The following PLXNA4 variants were observed in gnomAD, a reference collection of about 807,000 sequenced individuals.
PLXNA4 encodes the protein plexin-A4.
PLXNA4 carries 44 observed loss-of-function variants against 191.8 expected under a neutral mutation model. The ratio of observed to expected loss-of-function variants is 0.23; its 90% CI spans 0.18 to 0.29. The LOEUF is 0.29. PLXNA4 is among the 10% of genes least tolerant of loss of function. The pLI, the probability that PLXNA4 is intolerant of heterozygous loss-of-function variation, is 1.00. For synonymous variants in PLXNA4, 1,082 were observed against 1,009.5 expected, an observed-to-expected ratio of 1.07 and a Z score of -1.36; for missense variants, 1,800 against 2,488.8, an observed-to-expected ratio of 0.72 and a Z score of 5.89.
chr7:132,182,757 A>G (rs1344529859), intron 16 of PLXNA4, among the ~76,000 whole-genome samples: 1 of 152,134 alleles, frequency 6.6e-6, no homozygotes, highest in Middle Eastern at 3.2e-3. Context: ...GCAAGTGCGA[A>G]ATGCTTTTGG....
At position 132,164,216 on chromosome 7, in the gene PLXNA4, C is replaced by A. The variant is rs766542462; in HGVS notation, c.4426G>T (p.Ala1476Ser). 6.2e-7 allele frequency: 1 copy of A among 1,614,222 alleles called. No homozygotes were observed. Reference sequence around the variant, plus strand: ...GAGTAGCGGGCCTCGCCCGTGATGGCGTCAATGGGGCCCTTCTCCATCTGC... The same window carrying A: ...GAGTAGCGGGCCTCGCCCGTGATGGAGTCAATGGGGCCCTTCTCCATCTGC... ...KQQMEKGPID[A>S]ITGEARYSLS... The change falls in exon 24 of 32, where the codon GCC becomes TCC. Residue 1476 changes from alanine (A) to serine (S), a missense_variant. Ala to Ser is a moderately conservative substitution (Grantham distance 99). This residue lies in a region of PLXNA4 where 214 missense variants were observed against 298.2 expected (regional missense o/e 0.72). Transcript: ENST00000321063.
At chr7:132,501,873 A>G (rs1485474995) in intron 2 of PLXNA4, among the ~76,000 whole-genome samples, 2 of 152,238 alleles carry the variant, frequency 1.3e-5, no homozygotes, top group African/African-American at 4.8e-5. Flanking sequence ...TTATTGGGAC[A>G]TGAGTGTGGC....
At chr7:132,189,014 G>GGAGAGGAAAGGAAA (rs1562909024) in intron 14 of PLXNA4, among the ~76,000 whole-genome samples, 8 of 83,034 alleles carry the variant, frequency 9.6e-5, no homozygotes, top group South Asian at 5.1e-4. Flanking sequence ...GAGAGAGAGA[G>GGAGAGGAAAGGAAA]AGAGAGAGAG....
At chr7:132,473,580 TA>T (rs1797008792) in intron 3 of PLXNA4, among the ~76,000 whole-genome samples, 1 of 152,174 alleles carries the variant, frequency 6.6e-6, no homozygotes, top group Non-Finnish European at 1.5e-5. Flanking sequence ...CATAGGTACT[TA>T]CAGAAGGCAA....
Position 132,168,309 on chromosome 7 carries a change from G to A in PLXNA4, c.4281C>T (p.Leu1427=), listed in dbSNP as rs1450662473. ...LESKNHPKLL[L]RRTESVAEKM... is the part of the protein sequence containing the mutation. ...GCCCCAGACTGCACCCTCACCTCCT[G>A]AGCAGCAGCTTAGGGTGGTTCTTGC... Residue 1427 remains leucine, a synonymous_variant, in exon 22 of 32, where the codon CTC becomes CTT. Transcript: ENST00000321063. The A allele has an allele frequency of 1.3e-6, 2 of 1,550,608 alleles. No homozygotes were observed. Among genetic ancestry groups the A allele is most frequent in the African/African-American group, 1.4e-5 (1 of 73,588 alleles).
chr7:132,329,069 C>T (rs762716663), intron 3 of PLXNA4, among the ~76,000 whole-genome samples: 1 of 152,204 alleles, frequency 6.6e-6, no homozygotes, highest in Non-Finnish European at 1.5e-5. Flanking sequence ...CTGGATCAGA[C>T]CCTCTAAGGG....
chr7:132,201,067 C>T (rs1797417355), intron 12 of PLXNA4, among the ~76,000 whole-genome samples: 1 of 152,104 alleles, frequency 6.6e-6, no homozygotes, highest in Non-Finnish European at 1.5e-5. Flanking sequence ...TTAGGATGGG[C>T]TTTGGTACAA....
chr7:132,315,055 A>G (rs1391892706), intron 3 of PLXNA4, among the ~76,000 whole-genome samples: 2 of 152,206 alleles, frequency 1.3e-5, no homozygotes, highest in East Asian at 3.9e-4. Flanking sequence ...CCAGTGGAAT[A>G]TTGTGCTCTT....
chr7:132,607,370 C>T (rs1585401396), intron 2 of PLXNA4, among the ~76,000 whole-genome samples: 3 of 152,206 alleles, frequency 2.0e-5, no homozygotes, highest in Non-Finnish European at 2.9e-5. Context: ...TCTCCTTTTG[C>T]GTCCCTGAGA....
At chr7:132,258,461 G>T (rs11772149) in intron 4 of PLXNA4, among the ~76,000 whole-genome samples, 6,454 of 152,324 alleles carry the variant, frequency 0.042, 211 homozygotes, top group Middle Eastern at 0.065. Context: ...GCTGCTGCAG[G>T]CTTGTTTTTG....
chr7:132,172,233 A>G (rs1796308580), intron 21 of PLXNA4, among the ~76,000 whole-genome samples: 2 of 152,260 alleles, frequency 1.3e-5, no homozygotes. Context: ...AAAACTGGAT[A>G]GTAAATTTTA....
At position 132,145,306 on chromosome 7, in the gene PLXNA4, G is replaced by A. The variant is rs927947369; in HGVS notation, c.5056-18C>T. 42 of 1,613,196 alleles carry A rather than the reference G, an allele frequency of 2.6e-5. No individual in the cohort carries two copies. Among genetic ancestry groups the A allele is most frequent in the Non-Finnish European group, 3.2e-5 (38 of 1,179,276 alleles). On this transcript the variant is annotated intron_variant, in intron 28 of 31. Coordinates refer to ENST00000321063, the MANE Select transcript of PLXNA4 (RefSeq NM_020911.2). ...AGTGTGCCCTGGAGAGGCAGGATACGTCCAGACACAGCTCGACTCACGTAG... is the reference window on the plus strand; with the variant it reads ...AGTGTGCCCTGGAGAGGCAGGATACATCCAGACACAGCTCGACTCACGTAG...
chr7:132,480,875 G>A lies in PLXNA4; in HGVS notation c.1371+8417C>T, dbSNP rs115805537. Reference sequence around the variant, plus strand: ...GCAGGAGTCCCGTCGTTTCTAAGGTGGGAGCCTCTTCCTTGGTATTTAAAT... The same window carrying A: ...GCAGGAGTCCCGTCGTTTCTAAGGTAGGAGCCTCTTCCTTGGTATTTAAAT... On this transcript the variant is annotated intron_variant, in intron 3 of 31. Coordinates refer to ENST00000321063, the MANE Select transcript of PLXNA4 (RefSeq NM_020911.2). Among the ~76,000 whole-genome samples the A allele has an allele frequency of 5.2e-3, 795 of 152,292 alleles. 7 individuals carry two copies. The highest frequency in any genetic ancestry group is 0.018 in the African/African-American group (768 of 41,566).
intron 3 of PLXNA4, among the ~76,000 whole-genome samples, chr7:132,467,325 C>T (rs1052540784): frequency 6.6e-6 from 1 of 152,160 alleles, no homozygotes; most frequent in Non-Finnish European, 1.5e-5. Flanking sequence ...CCCTCACAGC[C>T]AAGGTGACCC....
intron 1 of PLXNA4, among the ~76,000 whole-genome samples, chr7:132,552,465 T>C (rs1463291762): frequency 6.6e-6 from 1 of 152,172 alleles, no homozygotes; most frequent in Non-Finnish European, 1.5e-5. Context: ...TGCTAGGCAC[T>C]GGGAAATGAA....
In PLXNA4 at chr7:132,525,800, A is replaced by G. The variant is rs978162398; in HGVS notation, c.-86-17021T>C. Among the ~76,000 whole-genome samples, 8 of 152,226 alleles carry G rather than the reference A, an allele frequency of 5.3e-5. No homozygotes were observed. In the East Asian group the frequency reaches 1.3e-3, roughly 26 times the overall value. On this transcript the variant is annotated intron_variant, in intron 1 of 31. Transcript: ENST00000321063. ...AGGCTCTGCCCTGAAAGGGTCCCCT[A>G]TTAAGCAAGTATGAGCAACACTGCA...
In PLXNA4 at chr7:132,164,438, C is replaced by T; in HGVS notation, c.4354-150G>A. 3 of 1,229,192 alleles carry T rather than the reference C, an allele frequency of 2.4e-6. No homozygotes were observed. In the South Asian group the frequency reaches 4.8e-5, roughly 20 times the overall value. The allele number at this position is 1,229,192 out of a possible 1,614,324, so 76.1% of individuals were successfully genotyped here. A position where few individuals can be genotyped will look rare whatever the true frequency, so the allele number is the denominator to read the frequency against. ...TTATACTCAGCTCTTCAATCTCCTT[C>T]TCTCCATCTCCTCATCCTTCAGGCT... On this transcript the variant is annotated intron_variant, in intron 23 of 31. Coordinates refer to ENST00000321063, the MANE Select transcript of PLXNA4 (RefSeq NM_020911.2).
intron 20 of PLXNA4, among the ~76,000 whole-genome samples, chr7:132,177,149 G>A (rs1400518876): frequency 6.6e-6 from 1 of 150,810 alleles, no homozygotes; most frequent in Admixed American, 6.6e-5. Flanking sequence ...CTATGTGTGG[G>A]CATGTATGTG....
intron 1 of PLXNA4, among the ~76,000 whole-genome samples, chr7:132,517,694 T>C (rs17166528): frequency 6.6e-6 from 1 of 152,238 alleles, no homozygotes; most frequent in South Asian, 2.1e-4. Context: ...AGATTGCAAG[T>C]GGGTAAGCCC....
Sources: allele counts gnomAD v4.1 joint callset (sites outside exome capture counted in the v4.1 genomes callset), GRCh38; gene constraint gnomAD v4.1.1; regional missense constraint gnomAD v4.1.1; transcripts MANE v1.5; gene names NCBI Gene and HGNC (gene_info 2026-07-23, HGNC 2026-07-21).